The following XRN1 variants were observed in gnomAD, a reference collection of about 807,000 sequenced individuals.
XRN1 encodes strand-exchange protein 1 homolog.
Under a neutral mutation model 222.3 loss-of-function variants are expected in XRN1, and 67 were observed. That is an observed-to-expected ratio of 0.30 (90% CI 0.25 to 0.37). The LOEUF (loss-of-function observed/expected upper bound fraction) is 0.37. Ranked by LOEUF, XRN1 falls within the 10% of genes least tolerant of loss-of-function variation. XRN1 has a pLI of 1.00. For synonymous variants in XRN1, 643 were observed against 652.4 expected, an observed-to-expected ratio of 0.99 and a Z score of 0.22; for missense variants, 1,707 against 2,000.2, an observed-to-expected ratio of 0.85 and a Z score of 2.80.
intron 2 of XRN1, among the ~76,000 whole-genome samples, chr3:142,432,179 T>G (rs1009893878): frequency 8.3e-6 from 1 of 121,168 alleles, no homozygotes; most frequent in African/African-American, 3.9e-5. Context: ...ATATAAAATG[T>G]TTTATATATA....
chr3:142,306,944 T>C lies in XRN1; in HGVS notation c.*4567A>G, dbSNP rs1251159785. On this transcript the variant is annotated 3_prime_UTR_variant, in exon 41 of 41. Coordinates refer to ENST00000392981, the MANE Select transcript of XRN1 (RefSeq NM_001282857.2). The stretch of plus-strand genomic sequence containing the variant: ...AAATTCCAGTTACTTATAAAATAGT[T>C]GAGAAATCAATTAAGATATGTATCT... 6.6e-6 allele frequency: 1 copy of C among 152,652 alleles called. No homozygotes were observed. Among genetic ancestry groups the C allele is most frequent in the Non-Finnish European group, 1.5e-5 (1 of 68,044 alleles). 9.5% of individuals were successfully genotyped at this position (152,652 alleles called of 1,614,324 possible). A position where few individuals can be genotyped will look rare whatever the true frequency, so the allele number is the denominator to read the frequency against.
At chr3:142,373,171 C>T (rs2067037009) in intron 25 of XRN1, among the ~76,000 whole-genome samples, 1 of 151,932 alleles carries the variant, frequency 6.6e-6, no homozygotes, top group Non-Finnish European at 1.5e-5. Context: ...GAAGATATTC[C>T]ATTCACTGTA....
At chr3:142,441,927 C>T (rs969670248) in intron 1 of XRN1, among the ~76,000 whole-genome samples, 14 of 152,150 alleles carry the variant, frequency 9.2e-5, no homozygotes, top group African/African-American at 3.4e-4. Flanking sequence ...ACAATTCATT[C>T]GTATTCATAT....
At chr3:142,351,708 T>C (rs1200073608) in intron 32 of XRN1, among the ~76,000 whole-genome samples, 2 of 152,026 alleles carry the variant, frequency 1.3e-5, no homozygotes, top group Non-Finnish European at 2.9e-5. Context: ...ACTGCTTGAC[T>C]AATGACTTTG....
chr3:142,315,800 C>A (rs140589114), intron 39 of XRN1, among the ~76,000 whole-genome samples: 219 of 152,262 alleles, frequency 1.4e-3, no homozygotes, highest in African/African-American at 5.0e-3. Context: ...CAAGCGTGAG[C>A]CACTGCGCCC....
At chr3:142,390,640 T>C (rs2067679237) in intron 20 of XRN1, among the ~76,000 whole-genome samples, 1 of 152,222 alleles carries the variant, frequency 6.6e-6, no homozygotes, top group Non-Finnish European at 1.5e-5. Context: ...TTCTCCATAT[T>C]AGCAATAAGG....
At chr3:142,396,311 T>C (rs2067930234) in intron 20 of XRN1, among the ~76,000 whole-genome samples, 1 of 152,166 alleles carries the variant, frequency 6.6e-6, no homozygotes, top group East Asian at 1.9e-4. Context: ...AATAACTCAG[T>C]AACTGAGTGC....
intron 20 of XRN1, among the ~76,000 whole-genome samples, chr3:142,392,970 A>G (rs1176987366): frequency 5.3e-5 from 8 of 150,288 alleles, no homozygotes; most frequent in African/African-American, 2.0e-4. Flanking sequence ...ATTTCTCCAC[A>G]TCCTCTCCAG....
chr3:142,414,173 G>C lies in XRN1; in HGVS notation c.1555C>G (p.Pro519Ala). The stretch of plus-strand genomic sequence containing the variant: ...GGAAGTAAATTTTTGCTGGCTGCTG[G>C]AAGTACAGCAAGAAGCTGTTCAAAT... ...KPFEQLLAVL[P>A]AASKNLLPAC... Residue 519 changes from proline (P) to alanine (A), a missense_variant, in exon 14 of 41, where the codon CCA (proline) becomes GCA (alanine). Coordinates refer to ENST00000392981, the MANE Select transcript of XRN1 (RefSeq NM_001282857.2). The C allele has an allele frequency of 6.2e-7, 1 of 1,613,298 alleles. No homozygotes were observed.
At chr3:142,427,886 C>A (rs545580919) in intron 2 of XRN1, among the ~76,000 whole-genome samples, 1 of 152,330 alleles carries the variant, frequency 6.6e-6, no homozygotes, top group African/African-American at 2.4e-5. Flanking sequence ...ATCTACTGTG[C>A]CCCACACAAT....
chr3:142,368,793 A>AT (rs1266924124), intron 27 of XRN1, among the ~76,000 whole-genome samples: 1 of 152,202 alleles, frequency 6.6e-6, no homozygotes, highest in Non-Finnish European at 1.5e-5. Context: ...TCTAGTGGTG[A>AT]TTTTCTAGAC....
chr3:142,357,427 T>C (rs2066493339), intron 30 of XRN1, among the ~76,000 whole-genome samples: 1 of 151,826 alleles, frequency 6.6e-6, no homozygotes, highest in Admixed American at 6.6e-5. Flanking sequence ...AATTTATGAA[T>C]TAATTTTTTT....
intron 28 of XRN1, 59 bp from the exon 29 acceptor site, chr3:142,365,238 G>A: frequency 6.3e-7 from 1 of 1,580,190 alleles, no homozygotes; most frequent in Non-Finnish European, 8.6e-7. Context: ...CTAATATACT[G>A]AAAACATCTT....
chr3:142,389,210 C>T (rs1218899965), intron 20 of XRN1, among the ~76,000 whole-genome samples: 1 of 152,080 alleles, frequency 6.6e-6, no homozygotes, highest in African/African-American at 2.4e-5. Context: ...GAGACTCTGT[C>T]TCAAAACAAA....
chr3:142,335,476 C>T lies in XRN1; in HGVS notation c.3911G>A (p.Cys1304Tyr), dbSNP rs768394119. Residue 1304 changes from cysteine to tyrosine, a missense_variant, in exon 34 of 41, where the codon TGT (cysteine) becomes TAT (tyrosine). By Grantham distance (194) the Cys-to-Tyr change is radical (BLOSUM62 -2). Transcript: ENST00000392981. ...CTTATTGGACATTTTTTGGGACCAA[C>T]ACTCAGCTTTAGGACTCTTACACTC... ...KEECKSPKAE[C>Y]WSQKMSNKQP... is the part of the protein sequence containing the mutation. 1.2e-5 allele frequency: 19 copies of T among 1,613,810 alleles called. No homozygotes were observed. The highest frequency in any genetic ancestry group is 1.5e-5 in the Non-Finnish European group (18 of 1,179,924).
intron 37 of XRN1, among the ~76,000 whole-genome samples, chr3:142,321,856 AT>A (rs1383798900): frequency 6.6e-6 from 1 of 152,034 alleles, no homozygotes; most frequent in South Asian, 2.1e-4. Flanking sequence ...ATTAGTTGGG[AT>A]TTTTTGTGGA....
chr3:142,372,321 T>C (rs898296107), intron 25 of XRN1, among the ~76,000 whole-genome samples: 1 of 152,088 alleles, frequency 6.6e-6, no homozygotes, highest in Non-Finnish European at 1.5e-5. Context: ...CTAGGAAGCA[T>C]AAGGTCTCTA....
In XRN1 at chr3:142,426,235, T is replaced by C. The variant is rs76466724; in HGVS notation, c.406+509A>G. Among the ~76,000 whole-genome samples the C allele has an allele frequency of 5.1e-3, 782 of 152,312 alleles. 10 individuals carry two copies. Among genetic ancestry groups the C allele is most frequent in the African/African-American group, 0.018 (760 of 41,574 alleles). ...GTTAGACAAAGGTTGTAGAAGTATA[T>C]AGAGTATGCTGCTGCATACAAAATT... is the stretch of plus-strand genomic sequence containing the variant. On this transcript the variant is annotated intron_variant, in intron 3 of 40. Coordinates refer to ENST00000392981, the MANE Select transcript of XRN1 (RefSeq NM_001282857.2).
rs748676042 is a variant in XRN1 at position 142,313,178 on chromosome 3, C to CA, written c.4622-421dup. ...TTGCTTCCATAGTGATCCCAGCCTA[C>CA]AAAAAAACCAAAAAACCTCAAGTCC... On this transcript the variant is annotated intron_variant, in intron 39 of 40. Coordinates refer to ENST00000392981, the MANE Select transcript of XRN1 (RefSeq NM_001282857.2). The CA allele has an allele frequency of 9.9e-6, 16 of 1,611,696 alleles. No individual in the cohort carries two copies. The East Asian group carries it at 1.1e-4, about 11-fold the overall frequency.
Sources: allele counts gnomAD v4.1 joint callset (sites outside exome capture counted in the v4.1 genomes callset), GRCh38; gene constraint gnomAD v4.1.1; transcripts MANE v1.5; gene names NCBI Gene and HGNC (gene_info 2026-07-23, HGNC 2026-07-21).